MMP16: variants seen among roughly 807,000 people sequenced by gnomAD.
The protein encoded by MMP16 is matrix metallopeptidase 16.
Under a neutral mutation model 67.8 loss-of-function variants are expected in MMP16, and 12 were observed. That is an observed-to-expected ratio of 0.18 (90% CI 0.11 to 0.29). The LOEUF is 0.29. Among genes scored for constraint, MMP16 ranks in the 10% least tolerant of loss-of-function variants. MMP16 has a pLI of 1.00. For missense variants in MMP16, 475 were observed against 765.7 expected (o/e 0.62, Z 4.48); for synonymous variants, 249 against 255.9 (o/e 0.97, Z 0.26).
chr8:88,117,702 A>C (rs1307040700), intron 5 of MMP16, among the ~76,000 whole-genome samples: 1 of 152,002 alleles, frequency 6.6e-6, no homozygotes, highest in Non-Finnish European at 1.5e-5. Context: ...TTTTTTACAA[A>C]TCTATTTTAC....
At chr8:88,217,596 T>C (rs1316226864) in intron 1 of MMP16, among the ~76,000 whole-genome samples, 2 of 152,014 alleles carry the variant, frequency 1.3e-5, no homozygotes, top group Non-Finnish European at 2.9e-5. Flanking sequence ...ATATGATCAA[T>C]CCTTTATATT....
chr8:88,184,840 T>C (rs1037203451), intron 3 of MMP16, among the ~76,000 whole-genome samples: 8 of 148,314 alleles, frequency 5.4e-5, no homozygotes, highest in African/African-American at 1.0e-4. Flanking sequence ...ATTTCACTTA[T>C]AGAAAAAGGG....
chr8:88,212,469 T>C (rs1324544475), intron 1 of MMP16, among the ~76,000 whole-genome samples: 2 of 152,170 alleles, frequency 1.3e-5, no homozygotes, highest in East Asian at 1.9e-4. Flanking sequence ...GCTTCAGTTA[T>C]ATATCTAACA....
intron 9 of MMP16, among the ~76,000 whole-genome samples, chr8:88,044,827 C>T (rs980990097): frequency 6.6e-6 from 1 of 152,198 alleles, no homozygotes. Flanking sequence ...CTATTTAACA[C>T]ATGTGGATAA....
chr8:88,055,163 G>A (rs1808315518), intron 8 of MMP16, among the ~76,000 whole-genome samples: 1 of 151,874 alleles, frequency 6.6e-6, no homozygotes, highest in Non-Finnish European at 1.5e-5. Context: ...AAATGGGCAG[G>A]GCTAGGGCTA....
intron 3 of MMP16, among the ~76,000 whole-genome samples, chr8:88,181,540 A>G (rs1376713539): frequency 6.6e-6 from 1 of 151,410 alleles, no homozygotes; most frequent in Non-Finnish European, 1.5e-5. Context: ...ATAAATAGGA[A>G]GATATCCATT....
chr8:88,201,963 CA>C, intron 1 of MMP16, among the ~76,000 whole-genome samples: 1 of 152,100 alleles, frequency 6.6e-6, no homozygotes, highest in African/African-American at 2.4e-5. Flanking sequence ...ACCTATTAGC[CA>C]AAAAATTAAA....
intron 1 of MMP16, among the ~76,000 whole-genome samples, chr8:88,235,690 AG>A (rs1185655076): frequency 3.3e-5 from 5 of 152,074 alleles, no homozygotes; most frequent in Non-Finnish European, 7.4e-5. Context: ...TCTTTCGGAG[AG>A]GGGGTGCCCA....
chr8:88,160,545 C>T (rs1360951558), intron 4 of MMP16, among the ~76,000 whole-genome samples: 1 of 152,126 alleles, frequency 6.6e-6, no homozygotes, highest in African/African-American at 2.4e-5. Flanking sequence ...CTCACCATCA[C>T]TGGCCATCAG....
At chr8:88,187,469 C>T (rs138139705) in intron 2 of MMP16, among the ~76,000 whole-genome samples, 190 of 152,090 alleles carry the variant, frequency 1.2e-3, no homozygotes, top group African/African-American at 4.2e-3. Context: ...TGTTTATTAG[C>T]CCCTTTATTT....
chr8:88,278,254 T>C (rs1157115651), intron 1 of MMP16, among the ~76,000 whole-genome samples: 2 of 152,100 alleles, frequency 1.3e-5, no homozygotes, highest in Admixed American at 6.6e-5. Flanking sequence ...CTGTACAACA[T>C]AGGTATAAAA....
At chr8:88,212,870 A>G (rs1033160991) in intron 1 of MMP16, among the ~76,000 whole-genome samples, 1 of 152,202 alleles carries the variant, frequency 6.6e-6, no homozygotes, top group Non-Finnish European at 1.5e-5. Flanking sequence ...CAACATGTAT[A>G]GATATTTTCT....
intron 4 of MMP16, among the ~76,000 whole-genome samples, chr8:88,139,363 G>C (rs1424966798): frequency 1.3e-5 from 2 of 151,946 alleles, no homozygotes; most frequent in Non-Finnish European, 2.9e-5. Flanking sequence ...AATACCCCTA[G>C]TCAGGTGAGT....
At chr8:88,289,585 ATTAC>A (rs1810888562) in intron 1 of MMP16, among the ~76,000 whole-genome samples, 1 of 152,088 alleles carries the variant, frequency 6.6e-6, no homozygotes, top group South Asian at 2.1e-4. Context: ...TACTTTAGAC[ATTAC>A]TTAAAAATAC....
intron 4 of MMP16, among the ~76,000 whole-genome samples, chr8:88,144,253 A>G (rs1808256797): frequency 6.6e-6 from 1 of 152,002 alleles, no homozygotes; most frequent in East Asian, 1.9e-4. Context: ...TTCTTGATCT[A>G]ATATTCTATC....
chr8:88,311,372 A>T (rs1347675342), intron 1 of MMP16, among the ~76,000 whole-genome samples: 1 of 152,098 alleles, frequency 6.6e-6, no homozygotes, highest in Non-Finnish European at 1.5e-5. Context: ...ATAAGATGTT[A>T]TTTGCCTTTT....
rs529427456 is a variant in MMP16, at chr8:88,263,689, C to T, written c.132+63386G>A. Among the ~76,000 whole-genome samples, 168 of 152,210 alleles carry T rather than the reference C, an allele frequency of 1.1e-3. 1 individual carries two copies. Among genetic ancestry groups the T allele is most frequent in the Middle Eastern group, 6.8e-3 (2 of 294 alleles). On this transcript the variant is annotated intron_variant, in intron 1 of 9. Coordinates refer to ENST00000286614, the MANE Select transcript of MMP16 (RefSeq NM_005941.5). Reference sequence around the variant, plus strand: ...TGCATGATTCTATGTCCAAATTTCTCCTTTATATAAGGACACCAGTCATAT... The same window carrying T: ...TGCATGATTCTATGTCCAAATTTCTTCTTTATATAAGGACACCAGTCATAT...
chr8:88,326,857 G>T, intron 1 of MMP16: 1 of 501,652 alleles, frequency 2.0e-6, no homozygotes, highest in Non-Finnish European at 3.6e-6. Context: ...TGAGCGCGCA[G>T]CATCGTGCTT....
At chr8:88,070,464 G>T (rs572775789) in intron 7 of MMP16, among the ~76,000 whole-genome samples, 21 of 152,176 alleles carry the variant, frequency 1.4e-4, no homozygotes, top group East Asian at 9.7e-4. Context: ...TGCTCCTTTT[G>T]TTCCCACTGA....
Sources: gnomAD v4.1 joint callset for allele counts (sites outside exome capture counted in the v4.1 genomes callset) on GRCh38, gnomAD v4.1.1 for gene constraint, MANE v1.5 for transcripts, NCBI Gene and HGNC (gene_info 2026-07-23, HGNC 2026-07-21) for gene names.